Variants in CNTN6 observed in about 807,000 individuals in gnomAD.
The protein encoded by CNTN6 is contactin 6, also known as contactin-6.
Under a neutral mutation model 122.8 loss-of-function variants are expected in CNTN6, and 137 were observed. The observed-to-expected ratio is 1.12, with a 90% confidence interval of 0.97 to 1.29. The LOEUF (loss-of-function observed/expected upper bound fraction) is 1.29. Among genes scored for constraint, CNTN6 ranks in the 50% most tolerant of loss-of-function variants. The probability of loss-of-function intolerance (pLI) is 0.00; values close to 1 mark genes in which losing one functional copy is unlikely to be tolerated. For synonymous variants in CNTN6, 570 were observed against 426.0 expected (o/e 1.34, Z -4.16); for missense variants, 1,634 against 1,223.4 (o/e 1.34, Z -5.01).
At chr3:1,246,265 G>A (rs61171917) in intron 4 of CNTN6, among the ~76,000 whole-genome samples, 8,970 of 151,958 alleles carry the variant, frequency 0.059, 349 homozygotes, top group East Asian at 0.15. Context: ...AATTATTATT[G>A]CTTTTTAATT....
chr3:1,327,505 G>A lies in CNTN6; in HGVS notation c.1132G>A (p.Val378Met), dbSNP rs775018477. The stretch of plus-strand genomic sequence containing the variant: ...GACACTCATCATAACGATGCTGAAT[G>A]TGTCAGATTCTGGTGTGTACCAATG... Reference protein sequence around the residue: ...NGTLIITMLNVSDSGVYQCAA... With the variant: ...NGTLIITMLNMSDSGVYQCAA... Residue 378 changes from valine (V) to methionine (M), a missense_variant, in exon 10 of 23, where the codon GTG becomes ATG. Val to Met is a conservative substitution (Grantham distance 21). Coordinates refer to ENST00000446702, the MANE Select transcript of CNTN6 (RefSeq NM_001289080.2). 1.9e-6 allele frequency: 3 copies of A among 1,610,988 alleles called. No individual in the cohort carries two copies. Among genetic ancestry groups the A allele is most frequent in the South Asian group, 1.1e-5 (1 of 90,998 alleles).
At position 1,372,397 on chromosome 3, in the gene CNTN6, GTGGTATTTGTATGGTTTTTCAA is replaced by G. The variant is rs775240379; in HGVS notation, c.1595_1616del (p.Val532GlufsTer4). ...GGTGTCCCATGACCCCTCCATTGAA[GTGGTATTTGTATGGTTTTTCAA>G]TGGAGATGTCATAGACTTAAAAAAA... On this transcript the variant is annotated frameshift_variant, in exon 13 of 23. Coordinates refer to ENST00000446702, the MANE Select transcript of CNTN6 (RefSeq NM_001289080.2). LOFTEE classifies it high-confidence loss of function. The G allele has an allele frequency of 6.2e-7, 1 of 1,613,362 alleles. No homozygotes were observed. The highest frequency in any genetic ancestry group is 2.2e-5 in the East Asian group (1 of 44,832).
chr3:1,367,372 A>G (rs1256006512), intron 12 of CNTN6, among the ~76,000 whole-genome samples: 3 of 151,930 alleles, frequency 2.0e-5, no homozygotes, highest in Non-Finnish European at 4.4e-5. Flanking sequence ...TCTACTATGT[A>G]AGAATATATT....
intron 7 of CNTN6, among the ~76,000 whole-genome samples, chr3:1,304,719 C>A (rs893799720): frequency 6.6e-6 from 1 of 151,922 alleles, no homozygotes; most frequent in Admixed American, 6.6e-5. Context: ...CTTGGCCGGG[C>A]GCAGTGGCTC....
chr3:1,265,388 C>T (rs1483786645), intron 4 of CNTN6, among the ~76,000 whole-genome samples: 3 of 152,144 alleles, frequency 2.0e-5, no homozygotes, highest in Non-Finnish European at 4.4e-5. Flanking sequence ...CTACTTCTGG[C>T]TCCAACTTTT....
intron 4 of CNTN6, among the ~76,000 whole-genome samples, chr3:1,252,619 G>A (rs560290274): frequency 3.4e-4 from 52 of 152,180 alleles, no homozygotes; most frequent in African/African-American, 1.1e-3. Flanking sequence ...AATAAAATAC[G>A]GAGAACAATT....
intron 2 of CNTN6, among the ~76,000 whole-genome samples, chr3:1,177,756 C>CT (rs1217464837): frequency 6.6e-6 from 1 of 151,754 alleles, no homozygotes; most frequent in African/African-American, 2.4e-5. Flanking sequence ...ATATTCTTTA[C>CT]TTTTTTTATT....
chr3:1,390,683 A>G (rs941812964), intron 20 of CNTN6, among the ~76,000 whole-genome samples: 15 of 152,202 alleles, frequency 9.9e-5, no homozygotes, highest in Non-Finnish European at 1.9e-4. Context: ...AAAGAAAAAG[A>G]GAAGAATCAA....
intron 20 of CNTN6, 44 bp from the exon 21 acceptor site, chr3:1,401,389 G>A (rs569607734): frequency 6.7e-7 from 1 of 1,491,828 alleles, no homozygotes; most frequent in Non-Finnish European, 9.3e-7. Flanking sequence ...CTTTGACCAT[G>A]AGCTAATTAA....
chr3:1,104,184 C>G (rs1261626308), intron 1 of CNTN6, among the ~76,000 whole-genome samples: 1 of 152,048 alleles, frequency 6.6e-6, no homozygotes, highest in African/African-American at 2.4e-5. Context: ...GGGGGGCTAA[C>G]ATTGTTAATT....
At chr3:1,280,459 A>ATTTTTTTTT (rs71619483) in intron 5 of CNTN6, among the ~76,000 whole-genome samples, 847 of 66,566 alleles carry the variant, frequency 0.013, 160 homozygotes, top group African/African-American at 0.033. Flanking sequence ...TGTAATACCA[A>ATTTTTTTTT]TTTTTTTTTT....
chr3:1,112,858 A>G (rs928066251), intron 1 of CNTN6, among the ~76,000 whole-genome samples: 5 of 152,194 alleles, frequency 3.3e-5, no homozygotes, highest in Non-Finnish European at 7.3e-5. Context: ...AGGCCATAGC[A>G]TTAAGAAGTG....
chr3:1,393,595 A>T (rs1163468354), intron 20 of CNTN6, among the ~76,000 whole-genome samples: 3 of 150,968 alleles, frequency 2.0e-5, no homozygotes, highest in African/African-American at 7.3e-5. Context: ...TGTGTAATTC[A>T]GTTTCTATCT....
At chr3:1,347,080 A>G (rs1431583586) in intron 11 of CNTN6, among the ~76,000 whole-genome samples, 1 of 152,174 alleles carries the variant, frequency 6.6e-6, no homozygotes, top group Non-Finnish European at 1.5e-5. Context: ...AGTTTTGTAC[A>G]TGCTCTATAT....
At chr3:1,334,863 G>T (rs552351145) in intron 11 of CNTN6, among the ~76,000 whole-genome samples, 1 of 152,190 alleles carries the variant, frequency 6.6e-6, no homozygotes, top group South Asian at 2.1e-4. Flanking sequence ...TAGAGATTTT[G>T]CAGCTAAGCC....
intron 12 of CNTN6, among the ~76,000 whole-genome samples, chr3:1,359,296 C>T (rs2126098068): frequency 6.6e-6 from 1 of 151,984 alleles, no homozygotes; most frequent in Non-Finnish European, 1.5e-5. Context: ...GATGTCAGGC[C>T]CTGCTTTGAC....
chr3:1,142,442 T>TC (rs1420804215), intron 1 of CNTN6, among the ~76,000 whole-genome samples: 5 of 152,100 alleles, frequency 3.3e-5, no homozygotes, highest in African/African-American at 1.2e-4. Flanking sequence ...GACTGCATCT[T>TC]TTTCTACTAC....
chr3:1,322,131 A>T (rs921518176), intron 8 of CNTN6, among the ~76,000 whole-genome samples: 2 of 151,714 alleles, frequency 1.3e-5, no homozygotes, highest in South Asian at 4.1e-4. Context: ...AACTCCATAT[A>T]TTTCCCATTA....
chr3:1,218,736 C>T (rs950646373), intron 2 of CNTN6, among the ~76,000 whole-genome samples: 17 of 152,104 alleles, frequency 1.1e-4, no homozygotes, highest in African/African-American at 2.9e-4. Context: ...ATAAAATCTA[C>T]GCACACACAC....
Sources: allele counts gnomAD v4.1 joint callset (sites outside exome capture counted in the v4.1 genomes callset), GRCh38; gene constraint gnomAD v4.1.1; transcripts MANE v1.5; gene names NCBI Gene and HGNC (gene_info 2026-07-23, HGNC 2026-07-21).